The following FOXP2 variants were observed in gnomAD, a reference collection of about 807,000 sequenced individuals.
FOXP2 encodes the protein forkhead box protein P2.
In FOXP2, 12 loss-of-function variants were observed where a neutral mutation model predicts 115.8. The observed-to-expected ratio is 0.10, with a 90% confidence interval of 0.07 to 0.17. The LOEUF (loss-of-function observed/expected upper bound fraction) is 0.17, where lower values mean the gene tolerates loss of function less well. FOXP2 is among the 10% of genes least tolerant of loss of function. FOXP2 has a pLI of 1.00. For synonymous variants in FOXP2, 328 were observed against 297.7 expected, an observed-to-expected ratio of 1.10 and a Z score of -1.05; for missense variants, 629 against 843.5, an observed-to-expected ratio of 0.75 and a Z score of 3.15.
At chr7:114,148,972 G>A (rs914177731) in intron 1 of FOXP2, among the ~76,000 whole-genome samples, 6 of 151,964 alleles carry the variant, frequency 3.9e-5, no homozygotes, top group Admixed American at 6.6e-5. Context: ...AGTGTTCTCC[G>A]TCCCTACCCT....
At chr7:114,559,726 AC>A (rs1262767988) in intron 3 of FOXP2, among the ~76,000 whole-genome samples, 3 of 151,936 alleles carry the variant, frequency 2.0e-5, no homozygotes, top group Non-Finnish European at 2.9e-5. Flanking sequence ...ACTAAAAAAA[AC>A]ACCACAAAAA....
rs188593922 is a variant in FOXP2 at position 114,273,747 on chromosome 7, T to C, written c.-101-14272T>C. On this transcript the variant is annotated intron_variant, in intron 1 of 17. Coordinates refer to the FOXP2 transcript ENST00000634411. ...AAGTCTGCTATGTCTGAAATTAATA[T>C]AGATACTCCCATTTACTTTTGATGA... Among the ~76,000 whole-genome samples, 717 of 152,238 alleles carry C rather than the reference T, an allele frequency of 4.7e-3. 9 individuals carry two copies. The highest frequency in any genetic ancestry group is 0.016 in the African/African-American group (675 of 41,578).
Position 114,244,813 on chromosome 7 carries a change from G to C in FOXP2, c.-101-43206G>C, listed in dbSNP as rs1033391954. ...GTCTCGCTGTGTGGCCCAGGCGGGA[G>C]TGCAGTGGCGCAATCTCGGCTCACT... On this transcript the variant is annotated intron_variant, in intron 1 of 17. Coordinates refer to the FOXP2 transcript ENST00000634411. 3.3e-5 allele frequency among the ~76,000 whole-genome samples: 5 copies of C among 151,842 alleles called. No individual in the cohort carries two copies. The South Asian group carries it at 8.3e-4, about 25-fold the overall frequency.
chr7:114,549,151 A>C (rs1800077920), intron 3 of FOXP2, among the ~76,000 whole-genome samples: 1 of 152,190 alleles, frequency 6.6e-6, no homozygotes, highest in African/African-American at 2.4e-5. Context: ...ACTTCCATTG[A>C]CACATACTGC....
chr7:114,631,849 G>T, intron 6 of FOXP2, 144 bp downstream of exon 6: 10 of 835,808 alleles, frequency 1.2e-5, no homozygotes, highest in Non-Finnish European at 1.9e-5. Flanking sequence ...ATGGTGGCAT[G>T]ACCTATTTTC....
chr7:114,448,511 T>C (rs756145436), intron 2 of FOXP2, among the ~76,000 whole-genome samples: 29 of 152,246 alleles, frequency 1.9e-4, no homozygotes, highest in Non-Finnish European at 3.8e-4. Context: ...CAGGGAAAAA[T>C]GAAATTTAAA....
chr7:114,234,978 C>A (rs1462919493), intron 1 of FOXP2, among the ~76,000 whole-genome samples: 2 of 152,126 alleles, frequency 1.3e-5, no homozygotes, highest in African/African-American at 4.8e-5. Flanking sequence ...CCCCACTAGT[C>A]CCTTTTATTT....
chr7:114,244,793 G>T (rs1030461450), intron 1 of FOXP2, among the ~76,000 whole-genome samples: 1 of 150,870 alleles, frequency 6.6e-6, no homozygotes, highest in East Asian at 1.9e-4. Context: ...ACGGAGTCTC[G>T]CTGTGTGGCC....
At chr7:114,439,606 C>T (rs1018097549) in intron 2 of FOXP2, among the ~76,000 whole-genome samples, 3 of 151,964 alleles carry the variant, frequency 2.0e-5, no homozygotes, top group South Asian at 2.1e-4. Context: ...AGTGCAGTGG[C>T]GTGATCTTAG....
At chr7:114,608,402 T>G (rs1042888841) in intron 3 of FOXP2, among the ~76,000 whole-genome samples, 1 of 152,182 alleles carries the variant, frequency 6.6e-6, no homozygotes, top group Non-Finnish European at 1.5e-5. Context: ...GCTACCGTCT[T>G]CATAGGCAGT....
intron 1 of FOXP2, among the ~76,000 whole-genome samples, chr7:114,272,589 C>A (rs1043844906): frequency 1.3e-5 from 2 of 151,726 alleles, no homozygotes; most frequent in Non-Finnish European, 3.0e-5. Flanking sequence ...TTATTTATTT[C>A]TTCTTATATG....
rs572993465 is a variant in FOXP2, at chr7:114,210,395, C to T, written c.-102+47307C>T. ...TTCTTTTAACAGTCAGGTCACTCTA[C>T]CATAGGGCTGCTGCAGTTTGCTGGG... On this transcript the variant is annotated intron_variant, in intron 1 of 17. Transcript: ENST00000634411. Among the ~76,000 whole-genome samples, 56 of 152,236 alleles carry T rather than the reference C, an allele frequency of 3.7e-4. 2 individuals carry two copies. The South Asian group carries it at 0.012, about 32-fold the overall frequency.
At chr7:114,649,062 G>C (rs974167222) in intron 8 of FOXP2, among the ~76,000 whole-genome samples, 2 of 152,030 alleles carry the variant, frequency 1.3e-5, no homozygotes, top group African/African-American at 4.8e-5. Flanking sequence ...CTTGTTAGCA[G>C]ACCAGTAGAA....
At chr7:114,685,363 A>G (rs1241894237) in intron 16 of FOXP2, among the ~76,000 whole-genome samples, 2 of 152,182 alleles carry the variant, frequency 1.3e-5, no homozygotes, top group South Asian at 4.1e-4. Flanking sequence ...TTTGTCATGC[A>G]GGATAACAAA....
intron 1 of FOXP2, among the ~76,000 whole-genome samples, chr7:114,151,567 GTGT>G (rs1405052783): frequency 2.6e-5 from 4 of 151,946 alleles, no homozygotes; most frequent in Non-Finnish European, 5.9e-5. Context: ...TTGTGTGTGT[GTGT>G]TATTTTCTTT....
intron 2 of FOXP2, among the ~76,000 whole-genome samples, chr7:114,337,564 A>G (rs919098908): frequency 2.0e-5 from 3 of 151,234 alleles, no homozygotes; most frequent in East Asian, 3.9e-4. Context: ...TTGCATAAAT[A>G]TAACCTCACA....
At chr7:114,238,130 A>G (rs949638788) in intron 1 of FOXP2, among the ~76,000 whole-genome samples, 1 of 152,220 alleles carries the variant, frequency 6.6e-6, no homozygotes, top group Admixed American at 6.5e-5. Context: ...TAGATGTGGT[A>G]AAGAGAGAAG....
chr7:114,526,718 T>C (rs1445429254), intron 2 of FOXP2, among the ~76,000 whole-genome samples: 1 of 152,180 alleles, frequency 6.6e-6, no homozygotes, highest in Non-Finnish European at 1.5e-5. Flanking sequence ...CTTGACCTTT[T>C]TGAGTTTTTG....
At chr7:114,554,022 A>G (rs1362367781) in intron 3 of FOXP2, among the ~76,000 whole-genome samples, 1 of 152,106 alleles carries the variant, frequency 6.6e-6, no homozygotes, top group African/African-American at 2.4e-5. Flanking sequence ...AAAAACCTCT[A>G]GAAATAAAAA....
Sources: gnomAD v4.1 joint callset for allele counts (sites outside exome capture counted in the v4.1 genomes callset) on GRCh38, gnomAD v4.1.1 for gene constraint, MANE v1.5 for transcripts, NCBI Gene and HGNC (gene_info 2026-07-23, HGNC 2026-07-21) for gene names.